The following ASAP1 variants were observed in gnomAD, a reference collection of about 807,000 sequenced individuals.
ASAP1 encodes the protein arf-GAP with SH3 domain, ANK repeat and PH domain-containing protein 1.
Under a neutral mutation model 145.2 loss-of-function variants are expected in ASAP1, and 43 were observed. The ratio of observed to expected loss-of-function variants is 0.30; its 90% confidence interval spans 0.23 to 0.38. The LOEUF is 0.38. ASAP1 is among the 10% of genes least tolerant of loss of function. The pLI is 1.00. For synonymous variants in ASAP1, 546 were observed against 515.5 expected (o/e 1.06, Z -0.80); for missense variants, 1,018 against 1,355.3 (o/e 0.75, Z 3.91).
intron 15 of ASAP1, among the ~76,000 whole-genome samples, chr8:130,130,823 C>T (rs78498858): frequency 0.13 from 20,250 of 152,030 alleles, 1,499 homozygotes; most frequent in South Asian, 0.31. Context: ...GCGGGAAGAT[C>T]GCTCTAGCCT....
In ASAP1 at chr8:130,072,824, T is replaced by TGTGTGTGTGTGTGTGCGCGCGCGCGC; in HGVS notation, c.2701+3523_2701+3524insGCGCGCGCGCGCACACACACACACAC. ...GTGTGTGTGTGTGTGTGTGTGTGTGTGCGCGCGGGGGGGGGCAGTTTTGGG... is the reference window on the plus strand; with the variant it reads ...GTGTGTGTGTGTGTGTGTGTGTGTGTGTGTGTGTGTGTGTGCGCGCGCGCGCGCGCGCGGGGGGGGGCAGTTTTGGG... On this transcript the variant is annotated intron_variant, in intron 27 of 29. Transcript: ENST00000518721. Among the ~76,000 whole-genome samples, 45 of 32,298 alleles carry TGTGTGTGTGTGTGTGCGCGCGCGCGC rather than the reference T, an allele frequency of 1.4e-3. 1 individual carries two copies. The highest frequency in any genetic ancestry group is 4.8e-3 in the East Asian group (2 of 414). 21.2% of individuals were successfully genotyped at this position (32,298 alleles called of 152,430 possible).
chr8:130,398,727 T>C (rs1285610850), intron 2 of ASAP1, among the ~76,000 whole-genome samples: 6 of 152,276 alleles, frequency 3.9e-5, no homozygotes, highest in Middle Eastern at 3.4e-3. Flanking sequence ...ACAACCCTTG[T>C]AAGTCTATAA....
At chr8:130,380,539 G>A (rs1827718510) in intron 2 of ASAP1, among the ~76,000 whole-genome samples, 1 of 152,156 alleles carries the variant, frequency 6.6e-6, no homozygotes, top group African/African-American at 2.4e-5. Flanking sequence ...CCAACCGGCT[G>A]GGGTCACTGT....
In ASAP1 at chr8:130,321,335, T is replaced by C. The variant is rs571102408; in HGVS notation, c.186+36682A>G. ...TTTCAAATTCGGCTCCATTTGACCATGTGGGCTTACACATGAGGGTCTGGT... is the reference window on the plus strand; with the variant it reads ...TTTCAAATTCGGCTCCATTTGACCACGTGGGCTTACACATGAGGGTCTGGT... On this transcript the variant is annotated intron_variant, in intron 3 of 29. Transcript: ENST00000518721. Among the ~76,000 whole-genome samples the C allele has an allele frequency of 3.3e-5, 5 of 152,164 alleles. No individual in the cohort carries two copies. The East Asian group carries it at 5.8e-4, about 18-fold the overall frequency.
intron 3 of ASAP1, among the ~76,000 whole-genome samples, chr8:130,353,996 C>T (rs1208487052): frequency 1.3e-5 from 2 of 152,012 alleles, no homozygotes; most frequent in Non-Finnish European, 2.9e-5. Flanking sequence ...ATGCCATTCT[C>T]CTGCCTCAGC....
intron 12 of ASAP1, among the ~76,000 whole-genome samples, chr8:130,158,348 T>TA (rs35826450): frequency 0.24 from 32,725 of 137,294 alleles, 3,846 homozygotes; most frequent in South Asian, 0.38. Context: ...TGCTTATATT[T>TA]AAAAAAAAAA....
intron 2 of ASAP1, among the ~76,000 whole-genome samples, chr8:130,393,006 C>A (rs544703046): frequency 3.8e-4 from 57 of 151,716 alleles, no homozygotes; most frequent in Non-Finnish European, 6.5e-4. Context: ...TAAGTCACTT[C>A]CTCAAAAATA....
At chr8:130,257,065 T>G (rs1209617881) in intron 3 of ASAP1, among the ~76,000 whole-genome samples, 1 of 151,980 alleles carries the variant, frequency 6.6e-6, no homozygotes, top group African/African-American at 2.4e-5. Flanking sequence ...TTATAAAAAC[T>G]AATGTAACTG....
chr8:130,398,947 C>T (rs546452449), intron 2 of ASAP1, among the ~76,000 whole-genome samples: 1 of 152,306 alleles, frequency 6.6e-6, no homozygotes, highest in East Asian at 1.9e-4. Flanking sequence ...AACAATAACT[C>T]TCAATTTGGT....
chr8:130,108,757 G>GTTTTTTTTTTTTTTT (rs10568607), intron 24 of ASAP1, among the ~76,000 whole-genome samples: 4 of 51,560 alleles, frequency 7.8e-5, no homozygotes, highest in Non-Finnish European at 9.8e-5. Context: ...TCAAAAACCA[G>GTTTTTTTTTTTTTTT]TTTTTTTTTT....
chr8:130,280,920 A>G (rs1821207081), intron 3 of ASAP1, among the ~76,000 whole-genome samples: 1 of 152,186 alleles, frequency 6.6e-6, no homozygotes, highest in South Asian at 2.1e-4. Context: ...TTTGTCTAAC[A>G]GTCACTGATC....
intron 3 of ASAP1, among the ~76,000 whole-genome samples, chr8:130,333,621 A>G (rs1055219437): frequency 1.3e-5 from 2 of 152,210 alleles, no homozygotes; most frequent in African/African-American, 4.8e-5. Flanking sequence ...AAAACAAAAC[A>G]AAACAAAAAA....
intron 20 of ASAP1, among the ~76,000 whole-genome samples, chr8:130,117,490 C>G (rs1269296200): frequency 6.6e-6 from 1 of 152,180 alleles, no homozygotes; most frequent in African/African-American, 2.4e-5. Context: ...CATTTTTCCT[C>G]TATGGGTTCA....
intron 12 of ASAP1, among the ~76,000 whole-genome samples, chr8:130,154,274 ATAGT>A (rs532077085): frequency 5.6e-4 from 85 of 152,344 alleles, no homozygotes; most frequent in African/African-American, 1.3e-3. Context: ...TCATTCACAA[ATAGT>A]TAGTAACAAG....
intron 3 of ASAP1, among the ~76,000 whole-genome samples, chr8:130,302,697 A>G (rs1822752058): frequency 6.6e-6 from 1 of 152,204 alleles, no homozygotes; most frequent in African/African-American, 2.4e-5. Flanking sequence ...CTCAAGTTTC[A>G]TTAGCTTCAT....
chr8:130,171,789 C>T (rs911404597), intron 9 of ASAP1, among the ~76,000 whole-genome samples: 1 of 152,248 alleles, frequency 6.6e-6, no homozygotes, highest in Non-Finnish European at 1.5e-5. Flanking sequence ...TGGCAATGTT[C>T]TGCACAGAGC....
chr8:130,343,755 T>G (rs1340020), intron 3 of ASAP1, among the ~76,000 whole-genome samples: 41,690 of 152,162 alleles, frequency 0.27, 5,990 homozygotes, highest in Non-Finnish European at 0.3. Context: ...CTAAGCCAAC[T>G]GTACAAAACA....
intron 3 of ASAP1, among the ~76,000 whole-genome samples, chr8:130,353,118 T>C (rs1826095113): frequency 1.3e-5 from 2 of 152,230 alleles, no homozygotes; most frequent in African/African-American, 4.8e-5. Context: ...TTCCCTCCCC[T>C]ATGAACTGCC....
intron 4 of ASAP1, 147 bp from the exon 5 acceptor site, chr8:130,214,848 G>C: frequency 1.6e-6 from 1 of 632,632 alleles, no homozygotes; most frequent in Non-Finnish European, 2.6e-6. Flanking sequence ...GGTTAGGTTA[G>C]GAGTACACTA....
Sources: allele counts gnomAD v4.1 joint callset (sites outside exome capture counted in the v4.1 genomes callset), GRCh38; gene constraint gnomAD v4.1.1; transcripts MANE v1.5; gene names NCBI Gene and HGNC (gene_info 2026-07-23, HGNC 2026-07-21).